The following KIF23 variants were observed in gnomAD, a reference collection of about 807,000 sequenced individuals.
The protein encoded by KIF23 is kinesin-like protein KIF23.
KIF23 carries 30 observed loss-of-function variants against 137.5 expected under a neutral mutation model. The observed-to-expected ratio is 0.22, with a 90% CI of 0.16 to 0.30. The LOEUF (loss-of-function observed/expected upper bound fraction) is 0.30. KIF23 is among the 10% of genes least tolerant of loss of function. The probability of loss-of-function intolerance (pLI) is 1.00; values close to 1 mark genes in which losing one functional copy is unlikely to be tolerated. For missense variants in KIF23, 920 were observed against 1,194.3 expected (o/e 0.77, Z 3.38); for synonymous variants, 367 against 391.1 (o/e 0.94, Z 0.73).
At chr15:69,434,501 A>T in intron 11 of KIF23, 2 of 684,246 alleles carry the variant, frequency 2.9e-6, no homozygotes, top group Non-Finnish European at 5.3e-6. Flanking sequence ...TCTCATACTG[A>T]CCACGCCGTG....
At chr15:69,442,658 ATTCTGACCAAC>A (rs925747918) in intron 19 of KIF23, among the ~76,000 whole-genome samples, 51 of 152,350 alleles carry the variant, frequency 3.3e-4, no homozygotes, top group African/African-American at 1.2e-3. Flanking sequence ...GTAAATGGTC[ATTCTGACCAAC>A]TCTAGTCAGT....
In KIF23 at chr15:69,426,303, C is replaced by T. The variant is rs1445759829; in HGVS notation, c.890-33C>T. The stretch of plus-strand genomic sequence containing the variant: ...GCATGTATAATGAAATGACTGAGTT[C>T]AGGTTTGACCAATGATTTCTCTGTT... On this transcript the variant is annotated intron_variant, in intron 9 of 23. Transcript: ENST00000679126. The T allele has an allele frequency of 1.9e-6, 3 of 1,611,636 alleles. No homozygotes were observed. The Admixed American group carries it at 5.1e-5, about 27-fold the overall frequency.
Position 69,417,861 on chromosome 15 carries a change from A to T in KIF23, c.210+350A>T, listed in dbSNP as rs2056957819. On this transcript the variant is annotated intron_variant, in intron 3 of 23. Coordinates refer to ENST00000679126, the MANE Select transcript of KIF23 (RefSeq NM_001367805.3). Reference sequence around the variant, plus strand: ...AAATGAAAATAACATTTAATAATAGACATTGTTTACTTGCATCAACCTCCT... The same window carrying T: ...AAATGAAAATAACATTTAATAATAGTCATTGTTTACTTGCATCAACCTCCT... 2.0e-5 allele frequency among the ~76,000 whole-genome samples: 3 copies of T among 152,180 alleles called. No individual in the cohort carries two copies. The South Asian group carries it at 6.2e-4, about 31-fold the overall frequency.
intron 11 of KIF23, among the ~76,000 whole-genome samples, chr15:69,431,112 A>G (rs951921488): frequency 6.6e-6 from 1 of 152,238 alleles, no homozygotes; most frequent in Non-Finnish European, 1.5e-5. Flanking sequence ...AAGGTCAGAC[A>G]ACACTGAGAG....
In KIF23 at chr15:69,436,654, G is replaced by A. The variant is rs929578854; in HGVS notation, c.1529G>A (p.Arg510Lys). ...LDINDEQTLP[R>K]LIEALEKRHN... ...ATCAACGATGAGCAGACACTTCCAA[G>A]GCTGATTGAAGCCTTAGAGAAACGA... The change falls in exon 15 of 24, where the codon AGG (arginine) becomes AAG (lysine). Residue 510 changes from arginine to lysine, a missense_variant. Physicochemically the swap from Arg to Lys is conservative, Grantham distance 26 (BLOSUM62 2). Around this residue, in one of 4 missense-constraint regions of KIF23, gnomAD observed 714 missense variants for 866.2 expected, o/e 0.82. Coordinates refer to ENST00000679126, the MANE Select transcript of KIF23 (RefSeq NM_001367805.3). 6.2e-7 allele frequency: 1 copy of A among 1,611,552 alleles called. No individual in the cohort carries two copies. Among genetic ancestry groups the A allele is most frequent in the East Asian group, 2.2e-5 (1 of 44,822 alleles).
At chr15:69,427,535 A>G in intron 10 of KIF23, 1 of 444,586 alleles carries the variant, frequency 2.2e-6, no homozygotes, top group Non-Finnish European at 4.5e-6. Flanking sequence ...TTAAAATGTC[A>G]GTAATTCATT....
chr15:69,418,117 G>A (rs931861228), intron 3 of KIF23, among the ~76,000 whole-genome samples: 2 of 152,184 alleles, frequency 1.3e-5, no homozygotes, highest in Non-Finnish European at 2.9e-5. Flanking sequence ...AATGCAGTAG[G>A]ATTAATTCAG....
At chr15:69,434,740 A>G (rs1596006698) in intron 11 of KIF23, 3 of 1,276,062 alleles carry the variant, frequency 2.4e-6, no homozygotes, top group East Asian at 4.8e-5. Context: ...TTGGGCACGA[A>G]CGCGCTGACT....
intron 13 of KIF23, 145 bp downstream of exon 13, chr15:69,435,916 T>G: frequency 8.0e-7 from 1 of 1,250,516 alleles, no homozygotes; most frequent in South Asian, 1.5e-5. Context: ...GTGTGGTGGC[T>G]TATGCTTATA....
chr15:69,441,400 T>C (rs1180763488), intron 19 of KIF23, among the ~76,000 whole-genome samples: 1 of 152,222 alleles, frequency 6.6e-6, no homozygotes, highest in Admixed American at 6.5e-5. Flanking sequence ...AAGCATACTT[T>C]CCATATTTTT....
chr15:69,428,754 A>T (rs963565842), intron 10 of KIF23, among the ~76,000 whole-genome samples: 1 of 151,724 alleles, frequency 6.6e-6, no homozygotes, highest in African/African-American at 2.4e-5. Context: ...AGAATTTAGG[A>T]TAATCCTGTT....
chr15:69,438,454 C>G, intron 16 of KIF23, 49 bp downstream of exon 16: 1 of 1,525,714 alleles, frequency 6.6e-7, no homozygotes, highest in Non-Finnish European at 8.8e-7. Flanking sequence ...TGTTTTAGCA[C>G]TGTTCTCTGA....
In KIF23 at chr15:69,425,416, C is replaced by G. The variant is rs2057164795; in HGVS notation, c.776+93C>G. On this transcript the variant is annotated intron_variant, in intron 8 of 23. Transcript: ENST00000679126. ...GCATGTTTGCATGTAGGTTATTTTC[C>G]ATTGTCACTGGGCTGGCTGCTGTCT... The G allele has an allele frequency of 2.7e-6, 3 of 1,112,610 alleles. No homozygotes were observed. The African/African-American group carries it at 4.7e-5, about 17-fold the overall frequency. The allele number at this position is 1,112,610 out of a possible 1,614,324, so 68.9% of individuals were successfully genotyped here.
Position 69,433,328 on chromosome 15 carries a change from T to TG in KIF23, c.1115-2151dup, listed in dbSNP as rs376124729. 3.9e-3 allele frequency among the ~76,000 whole-genome samples: 587 copies of TG among 152,348 alleles called. 6 individuals carry two copies. The highest frequency in any genetic ancestry group is 0.014 in the African/African-American group (563 of 41,590). ...AGGTTTCAAAATGAACTCATTCTTA[T>TG]GGGGTCTAATCAGATGAGAGCTGCA... On this transcript the variant is annotated intron_variant, in intron 11 of 23. Transcript: ENST00000679126.
Position 69,436,194 on chromosome 15 carries a change from C to T in KIF23, c.1371C>T (p.Asp457=). Reference sequence around the variant, plus strand: ...AAGTTGAAGTAGCAAGACCTGTAGACAAGGCAATATGTGGTTTAACGCCTG... The same window carrying T: ...AAGTTGAAGTAGCAAGACCTGTAGATAAGGCAATATGTGGTTTAACGCCTG... The part of the protein sequence containing the change: ...TQEVEVARPV[D]KAICGLTPGR... Residue 457 remains aspartate, a synonymous_variant, in exon 14 of 24, where the codon GAC becomes GAT. Coordinates refer to ENST00000679126, the MANE Select transcript of KIF23 (RefSeq NM_001367805.3). 1 of 1,613,922 alleles carries T rather than the reference C, an allele frequency of 6.2e-7. No homozygotes were observed. The highest frequency in any genetic ancestry group is 8.5e-7 in the Non-Finnish European group (1 of 1,179,940).
At chr15:69,430,935 C>G (rs1450818300) in intron 11 of KIF23, among the ~76,000 whole-genome samples, 1 of 152,078 alleles carries the variant, frequency 6.6e-6, no homozygotes, top group Admixed American at 6.6e-5. Context: ...TAGCTTGTGT[C>G]TTTATACTAT....
At chr15:69,428,552 C>T (rs932241691) in intron 10 of KIF23, among the ~76,000 whole-genome samples, 7 of 148,218 alleles carry the variant, frequency 4.7e-5, no homozygotes. Context: ...CCCAGTTACT[C>T]GGAAGGCTGA....
chr15:69,427,270 G>A (rs1233591445), intron 10 of KIF23: 1 of 359,272 alleles, frequency 2.8e-6, no homozygotes, highest in African/African-American at 2.1e-5. Flanking sequence ...GTGAAATTTA[G>A]TATCCATAGG....
chr15:69,440,868 C>G lies in KIF23; in HGVS notation c.2210C>G (p.Ala737Gly), dbSNP rs776197989. 1.2e-6 allele frequency: 2 copies of G among 1,614,166 alleles called. No individual in the cohort carries two copies. The highest frequency in any genetic ancestry group is 1.7e-6 in the Non-Finnish European group (2 of 1,180,040). ...RSNSCSSISVASCISEWEQKI... is the reference protein window; with the variant it reads ...RSNSCSSISVGSCISEWEQKI... Reference sequence around the variant, plus strand: ...AACTCTTGCAGCAGCATTTCTGTAGCTTCCTGTATTTCGGAATGGGAGCAG... The same window carrying G: ...AACTCTTGCAGCAGCATTTCTGTAGGTTCCTGTATTTCGGAATGGGAGCAG... The change falls in exon 19 of 24, where the codon GCT (alanine) becomes GGT (glycine). Residue 737 changes from alanine to glycine, a missense_variant. Around this residue, in one of 4 missense-constraint regions of KIF23, gnomAD observed 714 missense variants for 866.2 expected, o/e 0.82. Transcript: ENST00000679126.
Sources: allele counts gnomAD v4.1 joint callset (sites outside exome capture counted in the v4.1 genomes callset), GRCh38; gene constraint gnomAD v4.1.1; regional missense constraint gnomAD v4.1.1; transcripts MANE v1.5; gene names NCBI Gene and HGNC (gene_info 2026-07-23, HGNC 2026-07-21).